Variants in SLC25A48 observed in about 807,000 individuals in gnomAD.
SLC25A48 encodes the protein CTC-321K16.1.
Under a neutral mutation model 32.2 loss-of-function variants are expected in SLC25A48, and 29 were observed. The ratio of observed to expected loss-of-function variants is 0.90; its 90% confidence interval spans 0.67 to 1.23. SLC25A48 has a LOEUF of 1.23. Ranked by LOEUF, SLC25A48 falls within the 50% of genes most tolerant of loss-of-function variation. The pLI, the probability that SLC25A48 is intolerant of heterozygous loss-of-function variation, is 0.00. For missense variants in SLC25A48, 399 were observed against 422.7 expected (o/e 0.94, Z 0.49); for synonymous variants, 164 against 172.3 (o/e 0.95, Z 0.38).
At chr5:135,764,952 C>T (rs1015899560) in intron 3 of SLC25A48, among the ~76,000 whole-genome samples, 9 of 151,752 alleles carry the variant, frequency 5.9e-5, no homozygotes, top group African/African-American at 2.2e-4. Context: ...CCCCATATCA[C>T]GGGACGTGTA....
intron 3 of SLC25A48, among the ~76,000 whole-genome samples, chr5:135,713,673 G>A (rs1754726399): frequency 6.6e-6 from 1 of 152,204 alleles, no homozygotes; most frequent in Non-Finnish European, 1.5e-5. Flanking sequence ...AGGGTGAGGA[G>A]GCGTTTTGAA....
At chr5:135,671,055 G>A (rs1010480798) in intron 3 of SLC25A48, among the ~76,000 whole-genome samples, 2 of 152,202 alleles carry the variant, frequency 1.3e-5, no homozygotes, top group Non-Finnish European at 2.9e-5. Flanking sequence ...GAATGGCTTG[G>A]GGGTCAGTGT....
chr5:135,676,087 T>C (rs1156891326), intron 3 of SLC25A48, among the ~76,000 whole-genome samples: 1 of 151,954 alleles, frequency 6.6e-6, no homozygotes, highest in Non-Finnish European at 1.5e-5. Flanking sequence ...TTATTACATC[T>C]AAGAGTTTTT....
At chr5:135,780,878 G>A (rs1417705421) in intron 3 of SLC25A48, among the ~76,000 whole-genome samples, 5 of 115,926 alleles carry the variant, frequency 4.3e-5, no homozygotes, top group African/African-American at 1.0e-4. Context: ...GGTGGGGAGA[G>A]GATAATATTA....
At chr5:135,658,112 C>T (rs1211682294) in intron 3 of SLC25A48, among the ~76,000 whole-genome samples, 1 of 152,194 alleles carries the variant, frequency 6.6e-6, no homozygotes, top group Non-Finnish European at 1.5e-5. Context: ...AACTCATTAA[C>T]TCAAAAGTTC....
In SLC25A48 at chr5:135,729,438, G is replaced by A. The variant is rs183273736; in HGVS notation, c.-520-83085G>A. 7.9e-5 allele frequency among the ~76,000 whole-genome samples: 12 copies of A among 152,114 alleles called. No homozygotes were observed. The East Asian group carries it at 2.3e-3, about 29-fold the overall frequency. ...ACCGCAGTGTTCTTAGATTCTGAAT[G>A]TGGCATTTGTTAGAATCCTCCATGA... On this transcript the variant is annotated intron_variant, in intron 3 of 10. Transcript: ENST00000646290.
At chr5:135,792,751 G>A (rs1419399326) in intron 3 of SLC25A48, among the ~76,000 whole-genome samples, 3 of 151,702 alleles carry the variant, frequency 2.0e-5, no homozygotes, top group African/African-American at 4.8e-5. Flanking sequence ...TAATATCACA[G>A]TGGGTTTACA....
At chr5:135,607,557 T>C (rs1423909550) in intron 1 of SLC25A48, among the ~76,000 whole-genome samples, 2 of 152,210 alleles carry the variant, frequency 1.3e-5, no homozygotes, top group African/African-American at 4.8e-5. Flanking sequence ...GAGATGTGCT[T>C]CAATCAGAAA....
intron 1 of SLC25A48, among the ~76,000 whole-genome samples, chr5:135,835,685 A>AAG: frequency 6.6e-6 from 1 of 150,504 alleles, no homozygotes; most frequent in South Asian, 2.1e-4. Context: ...TTGTAAAAAA[A>AAG]AAAAAAAAAA....
At chr5:135,605,776 T>C (rs1751919057) in intron 1 of SLC25A48, among the ~76,000 whole-genome samples, 2 of 152,154 alleles carry the variant, frequency 1.3e-5, no homozygotes, top group South Asian at 2.1e-4. Flanking sequence ...CCCGGGAAAA[T>C]GTTTATTTAT....
chr5:135,773,679 T>C (rs1326486101), intron 3 of SLC25A48, among the ~76,000 whole-genome samples: 1 of 151,498 alleles, frequency 6.6e-6, no homozygotes, highest in Non-Finnish European at 1.5e-5. Context: ...GCTTCTAATA[T>C]CCAGGAAGGG....
chr5:135,721,167 G>C (rs1325732171), intron 3 of SLC25A48, among the ~76,000 whole-genome samples: 2 of 136,686 alleles, frequency 1.5e-5, no homozygotes, highest in Non-Finnish European at 3.1e-5. Flanking sequence ...TCAGCCTCCA[G>C]AGTAGCTGGG....
intron 3 of SLC25A48, among the ~76,000 whole-genome samples, chr5:135,698,204 T>C (rs1243422901): frequency 1.3e-5 from 2 of 152,234 alleles, no homozygotes; most frequent in Admixed American, 6.5e-5. Flanking sequence ...ATGGTCACCA[T>C]AAGGCCCTAG....
chr5:135,618,908 T>C (rs1003316375), intron 1 of SLC25A48, among the ~76,000 whole-genome samples: 6 of 132,610 alleles, frequency 4.5e-5, no homozygotes, highest in Middle Eastern at 3.5e-3. Flanking sequence ...GCCTTTCTCT[T>C]TTTTTTTTTT....
Position 135,653,082 on chromosome 5 carries a change from G to A in SLC25A48, c.-521+18126G>A, listed in dbSNP as rs572994855. ...CTCTCTTGCCCTTCCACCTTCCATG[G>A]GAAGACATAGCAAGAAGGCCCACAC... On this transcript the variant is annotated intron_variant, in intron 3 of 10. Transcript: ENST00000646290. 1.2e-3 allele frequency among the ~76,000 whole-genome samples: 185 copies of A among 152,268 alleles called. 1 individual carries two copies. Among genetic ancestry groups the A allele is most frequent in the Non-Finnish European group, 2.1e-3 (145 of 68,030 alleles).
intron 3 of SLC25A48, among the ~76,000 whole-genome samples, chr5:135,761,172 G>A (rs75721857): frequency 0.043 from 6,515 of 152,090 alleles, 281 homozygotes; most frequent in African/African-American, 0.11. Flanking sequence ...TTAATTAGCC[G>A]GGCATGGTGG....
chr5:135,656,297 C>T (rs573260620), intron 3 of SLC25A48, among the ~76,000 whole-genome samples: 2 of 152,288 alleles, frequency 1.3e-5, no homozygotes, highest in Non-Finnish European at 2.9e-5. Flanking sequence ...GTCCCCATCT[C>T]ACACTGGCCA....
At chr5:135,620,043 C>G (rs1303960601) in intron 1 of SLC25A48, among the ~76,000 whole-genome samples, 1 of 152,078 alleles carries the variant, frequency 6.6e-6, no homozygotes, top group Non-Finnish European at 1.5e-5. Flanking sequence ...CTCTTGTGCC[C>G]CTGGGCAGCA....
chr5:135,886,621 ATATATATATATAT>A (rs1561567672), intron 7 of SLC25A48, among the ~76,000 whole-genome samples: 381 of 22,830 alleles, frequency 0.017, 24 homozygotes, highest in African/African-American at 0.061. Flanking sequence ...ATATATATAT[ATATATATATATAT>A]ATAAAATATA....
Sources: allele counts gnomAD v4.1 joint callset (sites outside exome capture counted in the v4.1 genomes callset), GRCh38; gene constraint gnomAD v4.1.1; transcripts MANE v1.5; gene names NCBI Gene and HGNC (gene_info 2026-07-23, HGNC 2026-07-21).